Variants in DENND1A observed in about 807,000 individuals in gnomAD.
DENND1A encodes the protein DENN domain-containing protein 1A.
Under a neutral mutation model 113.7 loss-of-function variants are expected in DENND1A, and 51 were observed. That is an observed-to-expected ratio of 0.45 (90% CI 0.36 to 0.57). The LOEUF (loss-of-function observed/expected upper bound fraction) is 0.57, where lower values mean the gene tolerates loss of function less well. Among genes scored for constraint, DENND1A ranks in the 20% least tolerant of loss-of-function variants. DENND1A has a pLI of 0.00. For synonymous variants in DENND1A, 565 were observed against 570.8 expected, an observed-to-expected ratio of 0.99 and a Z score of 0.14; for missense variants, 1,258 against 1,395.9, an observed-to-expected ratio of 0.90 and a Z score of 1.57.
chr9:123,757,900 T>C, intron 4 of DENND1A, 78 bp from the exon 5 acceptor site: 1 of 1,549,126 alleles, frequency 6.5e-7, no homozygotes. Context: ...CAATGAGTCG[T>C]TGAACTTATA....
intron 2 of DENND1A, among the ~76,000 whole-genome samples, chr9:123,814,504 C>T (rs1341985747): frequency 6.6e-6 from 1 of 152,058 alleles, no homozygotes; most frequent in African/African-American, 2.4e-5. Context: ...AAAAAAGGTA[C>T]TCTTTGGTTC....
At chr9:123,727,840 C>T (rs1389224413) in intron 5 of DENND1A, among the ~76,000 whole-genome samples, 2 of 152,172 alleles carry the variant, frequency 1.3e-5, no homozygotes, top group Admixed American at 6.5e-5. Context: ...GGCGTGGTGG[C>T]TCATGCCTGT....
At chr9:123,667,804 T>C (rs981113152) in intron 7 of DENND1A, among the ~76,000 whole-genome samples, 1 of 152,156 alleles carries the variant, frequency 6.6e-6, no homozygotes, top group Non-Finnish European at 1.5e-5. Flanking sequence ...TATATTCATC[T>C]ATAAAATGTG....
In DENND1A at chr9:123,637,910, A is replaced by AAC. The variant is rs10539797; in HGVS notation, c.619-7436_619-7435dup. Among the ~76,000 whole-genome samples, 346 of 146,092 alleles carry AAC rather than the reference A, an allele frequency of 2.4e-3. 2 individuals carry two copies. Among genetic ancestry groups the AAC allele is most frequent in the South Asian group, 0.012 (55 of 4,472 alleles). On this transcript the variant is annotated intron_variant, in intron 9 of 23. Transcript: ENST00000394215. ...TATCTTTTGGGAAAGGGAAGGAATA[A>AAC]ACACACACACACACACACACACGCA...
chr9:123,427,109 C>A (rs1421540545), intron 19 of DENND1A, among the ~76,000 whole-genome samples: 12 of 152,256 alleles, frequency 7.9e-5, no homozygotes, highest in Non-Finnish European at 1.3e-4. Flanking sequence ...GAGGACCAAA[C>A]TTGTTGGGGT....
At chr9:123,609,969 A>C (rs1351278236) in intron 10 of DENND1A, among the ~76,000 whole-genome samples, 2 of 152,352 alleles carry the variant, frequency 1.3e-5, no homozygotes, top group East Asian at 3.9e-4. Context: ...TTCCTCTGTC[A>C]TCAAGAGATG....
chr9:123,763,077 AT>A (rs34020642), intron 4 of DENND1A, among the ~76,000 whole-genome samples: 19,485 of 144,018 alleles, frequency 0.14, 1,417 homozygotes, highest in African/African-American at 0.23. Context: ...AAGAATTCAG[AT>A]TTTTTTTTTT....
At chr9:123,692,850 C>G (rs1255905271) in intron 5 of DENND1A, among the ~76,000 whole-genome samples, 1 of 152,156 alleles carries the variant, frequency 6.6e-6, no homozygotes, top group Non-Finnish European at 1.5e-5. Context: ...ATGAAAATAT[C>G]TGGTACCTTA....
chr9:123,811,637 T>C (rs896625776), intron 2 of DENND1A, among the ~76,000 whole-genome samples: 3 of 152,110 alleles, frequency 2.0e-5, no homozygotes, highest in Non-Finnish European at 4.4e-5. Context: ...TGGGCGCCTG[T>C]AGTCCTAGCT....
intron 3 of DENND1A, among the ~76,000 whole-genome samples, chr9:123,775,564 G>A (rs748025100): frequency 2.4e-4 from 36 of 152,048 alleles, no homozygotes; most frequent in Non-Finnish European, 4.9e-4. Context: ...ATACTATTTT[G>A]TAAGCATATT....
At chr9:123,514,560 C>G (rs7854068) in intron 13 of DENND1A, among the ~76,000 whole-genome samples, 44,777 of 151,940 alleles carry the variant, frequency 0.29, 7,858 homozygotes, top group African/African-American at 0.49. Context: ...GCGACAGAAG[C>G]GTGGTTCCAC....
intron 3 of DENND1A, among the ~76,000 whole-genome samples, chr9:123,792,266 A>T (rs1265510316): frequency 6.6e-6 from 1 of 151,848 alleles, no homozygotes; most frequent in Non-Finnish European, 1.5e-5. Context: ...GCATTTTTTT[A>T]AAAAGTTCAC....
intron 13 of DENND1A, among the ~76,000 whole-genome samples, chr9:123,472,646 C>T (rs894881741): frequency 2.0e-5 from 3 of 152,158 alleles, no homozygotes; most frequent in Admixed American, 6.5e-5. Context: ...CCCCTTGTCC[C>T]CCTCAGGCAG....
At chr9:123,546,561 A>C (rs571079585) in intron 13 of DENND1A, among the ~76,000 whole-genome samples, 16 of 152,242 alleles carry the variant, frequency 1.1e-4, no homozygotes, top group East Asian at 3.9e-4. Flanking sequence ...CAAAAAAAAA[A>C]AACAACAACT....
At chr9:123,466,371 C>T (rs1284493130) in intron 13 of DENND1A, among the ~76,000 whole-genome samples, 3 of 151,972 alleles carry the variant, frequency 2.0e-5, no homozygotes, top group African/African-American at 4.8e-5. Flanking sequence ...GTGATCTCTG[C>T]TCACTGCAAC....
intron 5 of DENND1A, among the ~76,000 whole-genome samples, chr9:123,731,285 G>T (rs1211346315): frequency 6.6e-6 from 1 of 152,086 alleles, no homozygotes; most frequent in Non-Finnish European, 1.5e-5. Context: ...GAAAAACACA[G>T]CTGGAAGATT....
chr9:123,381,748 G>C lies in DENND1A; in HGVS notation c.2897C>G (p.Thr966Arg). 6.6e-7 allele frequency: 1 copy of C among 1,513,072 alleles called. No individual in the cohort carries two copies. The highest frequency in any genetic ancestry group is 8.8e-7 in the Non-Finnish European group (1 of 1,131,206). 93.7% of individuals were successfully genotyped at this position (1,513,072 alleles called of 1,614,324 possible). A position where few individuals can be genotyped will look rare whatever the true frequency, so the allele number is the denominator to read the frequency against. The change falls in exon 24 of 24, where the codon ACG becomes AGG. Residue 966 changes from threonine (T) to arginine (R), a missense_variant. By Grantham distance (71) the Thr-to-Arg change is moderately conservative. Transcript: ENST00000394215. The surrounding 1 kb of genome is among the most constrained non-coding windows in gnomAD (Gnocchi z 4.7). ...LFGQMPMGTH[T>R]SPLQPLGPPA... ...GGGACCCAGCGGCTGTAGGGGGCTC[G>C]TGTGGGTGCCCATGGGCATCTGGCC...
At chr9:123,919,301 GTC>G (rs1308406654) in intron 1 of DENND1A, among the ~76,000 whole-genome samples, 1 of 151,504 alleles carries the variant, frequency 6.6e-6, no homozygotes, top group Non-Finnish European at 1.5e-5. Context: ...GTGAAACCCT[GTC>G]TCTACTAAAA....
chr9:123,707,537 G>C (rs2066306450), intron 5 of DENND1A, among the ~76,000 whole-genome samples: 1 of 152,126 alleles, frequency 6.6e-6, no homozygotes. Context: ...GGAAAACAGG[G>C]TTCCCTTCCC....
Sources: gnomAD v4.1 joint callset for allele counts (sites outside exome capture counted in the v4.1 genomes callset) on GRCh38, gnomAD v4.1.1 for gene constraint, Gnocchi (gnomAD v3.1) non-coding constraint, MANE v1.5 for transcripts, NCBI Gene and HGNC (gene_info 2026-07-23, HGNC 2026-07-21) for gene names.